Variants in TXNDC16 observed in about 807,000 individuals in gnomAD.
The protein encoded by TXNDC16 is thioredoxin domain containing 16, also known as thioredoxin domain-containing protein 16.
Under a neutral mutation model 85.6 loss-of-function variants are expected in TXNDC16, and 74 were observed. The ratio of observed to expected loss-of-function variants is 0.86; its 90% CI spans 0.72 to 1.05. The LOEUF is 1.05. Ranked by LOEUF, TXNDC16 falls within the 50% of genes least tolerant of loss-of-function variation. The pLI, the probability that TXNDC16 is intolerant of heterozygous loss-of-function variation, is 0.00. For synonymous variants in TXNDC16, 335 were observed against 326.5 expected, an observed-to-expected ratio of 1.03 and a Z score of -0.28; for missense variants, 959 against 947.0, an observed-to-expected ratio of 1.01 and a Z score of -0.17.
chr14:52,448,506 C>G (rs1315834858), intron 18 of TXNDC16, among the ~76,000 whole-genome samples: 1 of 151,942 alleles, frequency 6.6e-6, no homozygotes, highest in Non-Finnish European at 1.5e-5. Flanking sequence ...GGAATTTCAT[C>G]AACACCGGAT....
At chr14:52,498,069 G>T (rs1026372503) in intron 9 of TXNDC16, among the ~76,000 whole-genome samples, 1 of 152,062 alleles carries the variant, frequency 6.6e-6, no homozygotes, top group African/African-American at 2.4e-5. Flanking sequence ...TTCGATTGAT[G>T]CAGGAAAAGC....
intron 9 of TXNDC16, among the ~76,000 whole-genome samples, chr14:52,504,543 C>T (rs995095391): frequency 1.2e-4 from 19 of 152,146 alleles, no homozygotes; most frequent in Non-Finnish European, 2.4e-4. Flanking sequence ...CACCACCAGG[C>T]CTGCCCTAAA....
At chr14:52,530,923 G>A in intron 6 of TXNDC16, among the ~76,000 whole-genome samples, 1 of 151,672 alleles carries the variant, frequency 6.6e-6, no homozygotes, top group East Asian at 1.9e-4. Context: ...GGCTTGTCTG[G>A]GAGAAAATAC....
intron 16 of TXNDC16, among the ~76,000 whole-genome samples, chr14:52,463,136 C>G (rs1203944096): frequency 6.6e-5 from 10 of 151,846 alleles, no homozygotes; most frequent in Admixed American, 6.6e-4. Context: ...AATTATCAGA[C>G]CTAATTTGAT....
At chr14:52,439,043 T>C (rs1389913683) in intron 20 of TXNDC16, among the ~76,000 whole-genome samples, 161 bp downstream of exon 20, 2 of 152,222 alleles carry the variant, frequency 1.3e-5, no homozygotes, top group Non-Finnish European at 2.9e-5. Flanking sequence ...GATCACTGAC[T>C]GAAGCCTTGC....
chr14:52,547,030 A>G (rs2140234764), intron 1 of TXNDC16, among the ~76,000 whole-genome samples: 1 of 152,368 alleles, frequency 6.6e-6, no homozygotes, highest in African/African-American at 2.4e-5. Context: ...AGAGGCTGGA[A>G]GATAGATTAG....
At chr14:52,533,008 ACT>A (rs2037618745) in intron 6 of TXNDC16, among the ~76,000 whole-genome samples, 1 of 152,184 alleles carries the variant, frequency 6.6e-6, no homozygotes, top group Non-Finnish European at 1.5e-5. Context: ...AAATGAGGAC[ACT>A]GCCTCTTTGG....
rs764461895 is a variant in TXNDC16 at position 52,470,566 on chromosome 14, G to A, written c.1427C>T (p.Pro476Leu). 1 of 1,613,822 alleles carries A rather than the reference G, an allele frequency of 6.2e-7. No homozygotes were observed. Among genetic ancestry groups the A allele is most frequent in the Non-Finnish European group, 8.5e-7 (1 of 1,179,900 alleles). ...TCCTAACATTCCAGCATAAGATACTGGGTTCTCGCCTTTCTTGTACATCTT... is the reference window on the plus strand; with the variant it reads ...TCCTAACATTCCAGCATAAGATACTAGGTTCTCGCCTTTCTTGTACATCTT... ...IIKMYKKGEN[P>L]VSYAGMLGTE... Residue 476 changes from proline to leucine, a missense_variant, in exon 15 of 21, where the codon CCA becomes CTA. Pro to Leu is a moderately conservative substitution (Grantham distance 98). Coordinates refer to ENST00000281741, the MANE Select transcript of TXNDC16 (RefSeq NM_020784.3).
intron 9 of TXNDC16, among the ~76,000 whole-genome samples, chr14:52,506,690 G>A (rs1158247793): frequency 1.4e-5 from 2 of 143,496 alleles, no homozygotes; most frequent in Non-Finnish European, 3.0e-5. Context: ...CCGAGTAGCT[G>A]GGACTACAGG....
At chr14:52,503,039 C>T (rs1198735937) in intron 9 of TXNDC16, among the ~76,000 whole-genome samples, 5 of 152,192 alleles carry the variant, frequency 3.3e-5, no homozygotes, top group Non-Finnish European at 7.3e-5. Flanking sequence ...GAGGGGCGCC[C>T]GCCATTGCCA....
At chr14:52,449,921 C>T (rs1358736799) in intron 18 of TXNDC16, among the ~76,000 whole-genome samples, 3 of 151,694 alleles carry the variant, frequency 2.0e-5, no homozygotes, top group African/African-American at 7.3e-5. Flanking sequence ...TACCCAAACC[C>T]TTGGGATACA....
chr14:52,536,768 G>A lies in TXNDC16; in HGVS notation c.343C>T (p.Pro115Ser), dbSNP rs2037710989. Residue 115 changes from proline (P) to serine (S), a missense_variant, in exon 6 of 21, where the codon CCT becomes TCT. By Grantham distance (74) the Pro-to-Ser change is moderately conservative (BLOSUM62 -1). Transcript: ENST00000281741. ...TTCACATCAAACAAGGTGTCAGTAG[G>A]GAATTCTCTGAGCAATATGTTGCCC... ...FKGNILLREF[P>S]TDTLFDVNAI... 1 of 1,611,180 alleles carries A rather than the reference G, an allele frequency of 6.2e-7. No individual in the cohort carries two copies. The highest frequency in any genetic ancestry group is 8.5e-7 in the Non-Finnish European group (1 of 1,178,536).
intron 9 of TXNDC16, among the ~76,000 whole-genome samples, chr14:52,507,878 C>A (rs1328363694): frequency 3.3e-5 from 5 of 152,314 alleles, no homozygotes; most frequent in South Asian, 2.1e-4. Flanking sequence ...AAAGCTGAAA[C>A]TGGATCCCTT....
At chr14:52,466,955 T>C (rs1229592300) in intron 16 of TXNDC16, among the ~76,000 whole-genome samples, 1 of 151,532 alleles carries the variant, frequency 6.6e-6, no homozygotes, top group African/African-American at 2.4e-5. Context: ...AGAATAAGTA[T>C]AAATTACTAA....
At chr14:52,455,797 G>A (rs967844107) in intron 17 of TXNDC16, among the ~76,000 whole-genome samples, 3 of 152,172 alleles carry the variant, frequency 2.0e-5, no homozygotes, top group Non-Finnish European at 2.9e-5. Flanking sequence ...TCACCACAAT[G>A]CTGAGTAAGA....
At chr14:52,443,334 C>T (rs563081362) in intron 18 of TXNDC16, among the ~76,000 whole-genome samples, 1 of 152,306 alleles carries the variant, frequency 6.6e-6, no homozygotes, top group East Asian at 1.9e-4. Flanking sequence ...CCTTTCTCCT[C>T]AGCTTGCAGA....
In TXNDC16 at chr14:52,532,601, TA is replaced by T. The variant is rs1358414609; in HGVS notation, c.392+4117del. Among the ~76,000 whole-genome samples the T allele has an allele frequency of 2.0e-5, 3 of 152,170 alleles. No homozygotes were observed. In the East Asian group the frequency reaches 5.8e-4, roughly 29 times the overall value. ...ACAGGCGCCCGCCACCACGCCCGGC[TA>T]ATTTTTTGTATTTTTAGTAGAGACA... On this transcript the variant is annotated intron_variant, in intron 6 of 20. Coordinates refer to ENST00000281741, the MANE Select transcript of TXNDC16 (RefSeq NM_020784.3).
chr14:52,491,754 A>G (rs536442343), intron 9 of TXNDC16, among the ~76,000 whole-genome samples: 4 of 152,278 alleles, frequency 2.6e-5, no homozygotes, highest in Non-Finnish European at 5.9e-5. Flanking sequence ...ACACACATCT[A>G]ATTTCACTCC....
At chr14:52,482,375 G>A in intron 13 of TXNDC16, 86 bp from the exon 14 acceptor site, 4 of 1,127,150 alleles carry the variant, frequency 3.5e-6, no homozygotes, top group Non-Finnish European at 5.2e-6. Context: ...ACAGATTTAT[G>A]AGGTTTCCCA....
Sources: gnomAD v4.1 joint callset for allele counts (sites outside exome capture counted in the v4.1 genomes callset) on GRCh38, gnomAD v4.1.1 for gene constraint, MANE v1.5 for transcripts, NCBI Gene and HGNC (gene_info 2026-07-23, HGNC 2026-07-21) for gene names.